The following KIF6 variants were observed in gnomAD, a reference collection of about 807,000 sequenced individuals.
The protein encoded by KIF6 is kinesin family member 6.
A neutral mutation model predicts 112.7 loss-of-function variants in KIF6; 106 were observed. The observed-to-expected ratio is 0.94, with a 90% CI of 0.80 to 1.11. The LOEUF is 1.11. Ranked by LOEUF, KIF6 falls within the 50% of genes least tolerant of loss-of-function variation. KIF6 has a pLI of 0.00. For synonymous variants in KIF6, 339 were observed against 339.9 expected (o/e 1.00, Z 0.03); for missense variants, 929 against 964.0 (o/e 0.96, Z 0.48).
intron 14 of KIF6, among the ~76,000 whole-genome samples, chr6:39,423,405 G>A (rs1191294840): frequency 2.6e-5 from 4 of 151,952 alleles, no homozygotes; most frequent in Non-Finnish European, 4.4e-5. Context: ...TTGCTGATGT[G>A]TTCTGCAGCC....
intron 1 of KIF6, among the ~76,000 whole-genome samples, chr6:39,721,195 T>C (rs1790196191): frequency 6.6e-6 from 1 of 152,240 alleles, no homozygotes; most frequent in Admixed American, 6.5e-5. Context: ...TAAGCATTTC[T>C]GAGCATTTAC....
chr6:39,431,929 G>A (rs1771186088), intron 13 of KIF6, among the ~76,000 whole-genome samples: 4 of 151,790 alleles, frequency 2.6e-5, no homozygotes, highest in South Asian at 2.1e-4. Context: ...TGAATTCACC[G>A]CTGGATTTTG....
rs879535122 is a variant in KIF6 at position 39,342,814 on chromosome 6, G to A, written c.2428+895C>T. On this transcript the variant is annotated intron_variant, in intron 22 of 22. Coordinates refer to ENST00000287152, the MANE Select transcript of KIF6 (RefSeq NM_145027.6). This position sits in a 1 kb window ranked among gnomAD's most constrained non-coding sequence, Gnocchi z 4.7. ...AGGACCAAGGCCGGCTCTCAGTTGCGGCGCTCCATCCATGCACAAACCTCT... is the reference window on the plus strand; with the variant it reads ...AGGACCAAGGCCGGCTCTCAGTTGCAGCGCTCCATCCATGCACAAACCTCT... The A allele has an allele frequency of 3.0e-6, 3 of 985,180 alleles. No homozygotes were observed. Among genetic ancestry groups the A allele is most frequent in the Admixed American group, 6.2e-5 (1 of 16,248 alleles). The allele number at this position is 985,180 out of a possible 1,614,324, so 61.0% of individuals were successfully genotyped here.
At chr6:39,386,169 A>T (rs997340534) in intron 15 of KIF6, among the ~76,000 whole-genome samples, 1 of 152,240 alleles carries the variant, frequency 6.6e-6, no homozygotes, top group African/African-American at 2.4e-5. Flanking sequence ...TCTAGTTTAC[A>T]TTAATAAAGG....
At chr6:39,355,023 T>C (rs912401748) in intron 19 of KIF6, among the ~76,000 whole-genome samples, 1 of 151,904 alleles carries the variant, frequency 6.6e-6, no homozygotes, top group Non-Finnish European at 1.5e-5. Flanking sequence ...ACAAACAATA[T>C]CTATATTTTT....
chr6:39,586,021 G>T (rs1197686028), intron 8 of KIF6, among the ~76,000 whole-genome samples: 1 of 152,178 alleles, frequency 6.6e-6, no homozygotes, highest in Admixed American at 6.5e-5. Flanking sequence ...TGTGTATGAG[G>T]CTTCTTCAAA....
intron 13 of KIF6, among the ~76,000 whole-genome samples, chr6:39,530,990 CACA>C (rs904756135): frequency 9.2e-5 from 14 of 151,966 alleles, no homozygotes; most frequent in African/African-American, 3.4e-4. Context: ...TTGATTCATC[CACA>C]ACAATTTTCA....
intron 10 of KIF6, among the ~76,000 whole-genome samples, chr6:39,573,118 C>T (rs1780736266): frequency 6.6e-6 from 1 of 151,734 alleles, no homozygotes; most frequent in South Asian, 2.1e-4. Flanking sequence ...ATCTGCAGGA[C>T]AGAGAAGTAG....
At chr6:39,416,342 G>A (rs1176380619) in intron 15 of KIF6, among the ~76,000 whole-genome samples, 2 of 152,198 alleles carry the variant, frequency 1.3e-5, no homozygotes, top group Non-Finnish European at 2.9e-5. Context: ...GGCGTTTTTG[G>A]AGACATGACA....
At chr6:39,425,463 G>A (rs1055145433) in intron 14 of KIF6, among the ~76,000 whole-genome samples, 1 of 151,890 alleles carries the variant, frequency 6.6e-6, no homozygotes, top group Non-Finnish European at 1.5e-5. Context: ...AAAAATGCTA[G>A]TATTCCTTTC....
intron 15 of KIF6, among the ~76,000 whole-genome samples, chr6:39,415,310 A>G (rs866854358): frequency 0.036 from 5,338 of 149,856 alleles, 154 homozygotes; most frequent in Admixed American, 0.11. Flanking sequence ...GTAAAAAAAA[A>G]AAAAAAAAAA....
intron 15 of KIF6, among the ~76,000 whole-genome samples, chr6:39,412,718 A>T (rs1744966720): frequency 6.6e-6 from 1 of 152,198 alleles, no homozygotes; most frequent in Non-Finnish European, 1.5e-5. Context: ...ATTTTGCACC[A>T]CCAAGTAAAA....
At chr6:39,411,975 G>A (rs1316458013) in intron 15 of KIF6, among the ~76,000 whole-genome samples, 2 of 152,118 alleles carry the variant, frequency 1.3e-5, no homozygotes, top group Non-Finnish European at 2.9e-5. Flanking sequence ...GACGGGCATG[G>A]GTCAGCATTC....
intron 13 of KIF6, among the ~76,000 whole-genome samples, chr6:39,433,892 T>C (rs1177161209): frequency 6.6e-6 from 1 of 152,162 alleles, no homozygotes; most frequent in Non-Finnish European, 1.5e-5. Context: ...TGTTCAGAGC[T>C]CATGCGCAGC....
intron 13 of KIF6, among the ~76,000 whole-genome samples, chr6:39,471,079 T>A (rs1486963921): frequency 6.6e-6 from 1 of 152,202 alleles, no homozygotes; most frequent in East Asian, 1.9e-4. Flanking sequence ...AAGGATGCAA[T>A]CTGGAAGTGT....
At chr6:39,415,806 A>T (rs1769876779) in intron 15 of KIF6, among the ~76,000 whole-genome samples, 1 of 151,962 alleles carries the variant, frequency 6.6e-6, no homozygotes, top group Non-Finnish European at 1.5e-5. Flanking sequence ...CAAATCCCAG[A>T]TGTACAAGAG....
intron 7 of KIF6, among the ~76,000 whole-genome samples, chr6:39,595,594 G>A (rs545729446): frequency 6.6e-5 from 10 of 152,316 alleles, no homozygotes; most frequent in South Asian, 2.1e-4. Context: ...AGCATGTGAC[G>A]CAGACATACA....
rs531705130 is a variant in KIF6, at chr6:39,337,708, G to A, written c.2429-1160C>T. On this transcript the variant is annotated intron_variant, in intron 22 of 22. Transcript: ENST00000287152. ...ATTATATTCCAGGATGGCTCCTCCT[G>A]ACCATGTGGCCCCTATCCTGTCATC... 6.2e-4 allele frequency among the ~76,000 whole-genome samples: 95 copies of A among 152,166 alleles called. 1 individual carries two copies. Among genetic ancestry groups the A allele is most frequent in the Admixed American group, 7.2e-4 (11 of 15,294 alleles).
At chr6:39,473,012 A>G (rs1176392213) in intron 13 of KIF6, among the ~76,000 whole-genome samples, 1 of 151,972 alleles carries the variant, frequency 6.6e-6, no homozygotes, top group Non-Finnish European at 1.5e-5. Context: ...TCAGCCTCCC[A>G]AGTAGTTGGG....
Sources: allele counts gnomAD v4.1 joint callset (sites outside exome capture counted in the v4.1 genomes callset), GRCh38; gene constraint gnomAD v4.1.1; non-coding constraint Gnocchi (gnomAD v3.1); transcripts MANE v1.5; gene names NCBI Gene and HGNC (gene_info 2026-07-23, HGNC 2026-07-21).